PDE4D: variants seen among roughly 807,000 people sequenced by gnomAD.
PDE4D encodes phosphodiesterase 4D, also known as 3',5'-cyclic-AMP phosphodiesterase 4D.
A neutral mutation model predicts 87.4 loss-of-function variants in PDE4D; 24 were observed. The ratio of observed to expected loss-of-function variants is 0.27; its 90% CI spans 0.20 to 0.39. The LOEUF is 0.39. Among genes scored for constraint, PDE4D ranks in the 10% least tolerant of loss-of-function variants. PDE4D has a pLI of 1.00. For synonymous variants in PDE4D, 384 were observed against 383.2 expected, an observed-to-expected ratio of 1.00 and a Z score of -0.02; for missense variants, 714 against 1,041.0, an observed-to-expected ratio of 0.69 and a Z score of 4.32.
At position 60,470,369 on chromosome 5, in the gene PDE4D, A is replaced by T. The variant is rs889784984; in HGVS notation, c.-90+17573T>A. Among the ~76,000 whole-genome samples, 4 of 152,222 alleles carry T rather than the reference A, an allele frequency of 2.6e-5. No homozygotes were observed. In the South Asian group the frequency reaches 6.2e-4, roughly 24 times the overall value. On this transcript the variant is annotated intron_variant, in intron 1 of 16. Transcript: ENST00000502484. ...GTGAAGCAGCAAATGCTGAGGAAGA[A>T]GTTGCAGCAGGTGAACTGGATAATA...
At chr5:59,191,314 C>T (rs951147646) in intron 3 of PDE4D, among the ~76,000 whole-genome samples, 1 of 151,910 alleles carries the variant, frequency 6.6e-6, no homozygotes, top group Non-Finnish European at 1.5e-5. Context: ...CTATTTGTTG[C>T]AGCTTAATAA....
chr5:60,315,671 C>T (rs12657730), intron 1 of PDE4D, among the ~76,000 whole-genome samples: 41,359 of 151,924 alleles, frequency 0.27, 6,879 homozygotes, highest in African/African-American at 0.46. Flanking sequence ...GTATAAGGTG[C>T]AAGGAAGGGA....
intron 1 of PDE4D, among the ~76,000 whole-genome samples, chr5:59,557,520 T>TC: frequency 6.6e-6 from 1 of 152,222 alleles, no homozygotes. Flanking sequence ...TTTTTTTTTT[T>TC]CCACTTTGTC....
intron 1 of PDE4D, among the ~76,000 whole-genome samples, chr5:60,212,156 T>TTA (rs200113996): frequency 7.3e-5 from 11 of 150,230 alleles, no homozygotes; most frequent in Middle Eastern, 3.4e-3. Flanking sequence ...CTCTTTGTCA[T>TTA]TATATATATA....
At chr5:59,395,046 C>T (rs763570772) in intron 1 of PDE4D, among the ~76,000 whole-genome samples, 1 of 152,198 alleles carries the variant, frequency 6.6e-6, no homozygotes. Context: ...CAGCACACCA[C>T]GAGATTATAT....
chr5:60,406,885 G>A (rs951161083), intron 1 of PDE4D, among the ~76,000 whole-genome samples: 2 of 152,132 alleles, frequency 1.3e-5, no homozygotes, highest in African/African-American at 2.4e-5. Flanking sequence ...GTAAAAATGA[G>A]TGTGGGGAGT....
At chr5:60,061,357 AG>A (rs1302119023) in intron 2 of PDE4D, among the ~76,000 whole-genome samples, 1 of 152,178 alleles carries the variant, frequency 6.6e-6, no homozygotes, top group African/African-American at 2.4e-5. Flanking sequence ...TAAAACACCT[AG>A]GAATACAGCT....
chr5:59,005,798 G>A (rs2153358382), intron 6 of PDE4D, among the ~76,000 whole-genome samples: 1 of 152,312 alleles, frequency 6.6e-6, no homozygotes, highest in South Asian at 2.1e-4. Flanking sequence ...TAGGTGACAG[G>A]ATTGAAATGC....
At chr5:59,680,180 G>A (rs1203843628) in intron 1 of PDE4D, among the ~76,000 whole-genome samples, 1 of 152,052 alleles carries the variant, frequency 6.6e-6, no homozygotes, top group Admixed American at 6.5e-5. Flanking sequence ...ATGTGATCAT[G>A]TACAAATAAC....
At chr5:59,604,266 T>A (rs1260530245) in intron 1 of PDE4D, among the ~76,000 whole-genome samples, 1 of 152,016 alleles carries the variant, frequency 6.6e-6, no homozygotes, top group East Asian at 1.9e-4. Flanking sequence ...AAAACAATGA[T>A]ACATATCTCC....
chr5:59,249,549 T>A (rs971807314), intron 1 of PDE4D, among the ~76,000 whole-genome samples: 1 of 152,188 alleles, frequency 6.6e-6, no homozygotes, highest in Non-Finnish European at 1.5e-5. Context: ...ACAGCCTGAA[T>A]ATCCAATAAT....
At chr5:59,279,654 T>G (rs1241910870) in intron 1 of PDE4D, among the ~76,000 whole-genome samples, 1 of 152,124 alleles carries the variant, frequency 6.6e-6, no homozygotes, top group Non-Finnish European at 1.5e-5. Context: ...TTCTTAATTA[T>G]ACATCACAAC....
chr5:59,346,536 T>C (rs1186320298), intron 1 of PDE4D, among the ~76,000 whole-genome samples: 3 of 152,140 alleles, frequency 2.0e-5, no homozygotes, highest in African/African-American at 7.2e-5. Flanking sequence ...AATTTCTTCT[T>C]TCCCTTTCTT....
At chr5:59,827,340 C>T (rs1217576379) in intron 1 of PDE4D, among the ~76,000 whole-genome samples, 1 of 152,064 alleles carries the variant, frequency 6.6e-6, no homozygotes, top group Non-Finnish European at 1.5e-5. Context: ...AGAATGATTT[C>T]AGGACCCTAA....
chr5:59,635,578 G>A (rs1225167349), intron 1 of PDE4D, among the ~76,000 whole-genome samples: 1 of 152,180 alleles, frequency 6.6e-6, no homozygotes, highest in Admixed American at 6.5e-5. Context: ...TGCAAGGCTA[G>A]TTCAACATAT....
intron 1 of PDE4D, among the ~76,000 whole-genome samples, chr5:60,514,051 T>C (rs1218657247): frequency 6.6e-6 from 1 of 151,762 alleles, no homozygotes; most frequent in African/African-American, 2.4e-5. Context: ...AGCCAACAGA[T>C]GGTTCTTTGA....
intron 1 of PDE4D, among the ~76,000 whole-genome samples, chr5:59,378,519 T>A (rs552438513): frequency 6.6e-6 from 1 of 152,122 alleles, no homozygotes; most frequent in Non-Finnish European, 1.5e-5. Context: ...GATTAAAAGC[T>A]CCAAGAAAAG....
intron 1 of PDE4D, among the ~76,000 whole-genome samples, chr5:60,482,587 A>G (rs1052703015): frequency 3.3e-5 from 5 of 152,240 alleles, no homozygotes; most frequent in Non-Finnish European, 5.9e-5. Context: ...TGGAGTCACA[A>G]GAACACTGCT....
intron 1 of PDE4D, among the ~76,000 whole-genome samples, chr5:59,654,244 G>A (rs1173704535): frequency 6.6e-6 from 1 of 152,160 alleles, no homozygotes; most frequent in East Asian, 1.9e-4. Flanking sequence ...GGGAGCACAG[G>A]GGAGGGGAGG....
Sources: gnomAD v4.1 joint callset for allele counts (sites outside exome capture counted in the v4.1 genomes callset) on GRCh38, gnomAD v4.1.1 for gene constraint, MANE v1.5 for transcripts, NCBI Gene and HGNC (gene_info 2026-07-23, HGNC 2026-07-21) for gene names.